Variants in SLC10A7 observed in about 807,000 individuals in gnomAD.
The protein encoded by SLC10A7 is sodium/bile acid cotransporter 7.
SLC10A7 carries 29 observed loss-of-function variants against 43.2 expected under a neutral mutation model. The observed-to-expected ratio is 0.67, with a 90% confidence interval of 0.50 to 0.92. The LOEUF (loss-of-function observed/expected upper bound fraction) is 0.92. Ranked by LOEUF, SLC10A7 falls within the 40% of genes least tolerant of loss-of-function variation. SLC10A7 has a pLI of 0.00. For missense variants in SLC10A7, 295 were observed against 403.2 expected, an observed-to-expected ratio of 0.73 and a Z score of 2.30; for synonymous variants, 152 against 144.8, an observed-to-expected ratio of 1.05 and a Z score of -0.35.
chr4:146,324,076 G>A (rs973802098), intron 6 of SLC10A7, among the ~76,000 whole-genome samples: 17 of 152,090 alleles, frequency 1.1e-4, no homozygotes, highest in African/African-American at 4.1e-4. Flanking sequence ...ATTCACAATT[G>A]CTTCAAAGAG....
At chr4:146,309,220 A>G (rs1405632299) in intron 6 of SLC10A7, among the ~76,000 whole-genome samples, 1 of 152,048 alleles carries the variant, frequency 6.6e-6, no homozygotes, top group Non-Finnish European at 1.5e-5. Context: ...TTTGTGAACC[A>G]TTGTTCTGTG....
chr4:146,373,207 TCATG>T (rs1736914643), intron 5 of SLC10A7, among the ~76,000 whole-genome samples: 1 of 152,140 alleles, frequency 6.6e-6, no homozygotes, highest in Non-Finnish European at 1.5e-5. Context: ...GCACAGAGGC[TCATG>T]CCTATAATCC....
At chr4:146,298,298 T>G (rs1202195708) in intron 7 of SLC10A7, among the ~76,000 whole-genome samples, 1 of 152,220 alleles carries the variant, frequency 6.6e-6, no homozygotes, top group African/African-American at 2.4e-5. Context: ...TATCACTGTT[T>G]ATCAGTACAC....
chr4:146,303,144 C>T (rs1731271122), intron 7 of SLC10A7, among the ~76,000 whole-genome samples: 1 of 152,134 alleles, frequency 6.6e-6, no homozygotes, highest in Admixed American at 6.5e-5. Context: ...TGCCTTAAGG[C>T]AGCACAACTC....
At chr4:146,305,318 C>G (rs1056560034) in intron 7 of SLC10A7, among the ~76,000 whole-genome samples, 32 of 150,958 alleles carry the variant, frequency 2.1e-4, no homozygotes, top group African/African-American at 7.8e-4. Context: ...AGTAAACTAT[C>G]GCAACAACAA....
intron 5 of SLC10A7, among the ~76,000 whole-genome samples, chr4:146,404,346 A>G (rs1210969553): frequency 6.6e-6 from 1 of 151,992 alleles, no homozygotes; most frequent in Non-Finnish European, 1.5e-5. Flanking sequence ...ATGTCTTTCC[A>G]TTCTTGCCAA....
intron 4 of SLC10A7, among the ~76,000 whole-genome samples, chr4:146,503,290 G>A (rs940442938): frequency 3.4e-4 from 52 of 152,090 alleles, no homozygotes; most frequent in African/African-American, 1.2e-3. Flanking sequence ...TTCAACCAAG[G>A]AAGAACCCCC....
chr4:146,414,772 T>C (rs1188522076), intron 5 of SLC10A7, among the ~76,000 whole-genome samples: 1 of 150,024 alleles, frequency 6.7e-6, no homozygotes. Flanking sequence ...TACACAGACA[T>C]CTGTTCATGA....
chr4:146,486,777 G>A (rs1734954562), intron 4 of SLC10A7, among the ~76,000 whole-genome samples: 2 of 152,188 alleles, frequency 1.3e-5, no homozygotes. Context: ...AGATGAACAC[G>A]GAGAATCCCC....
chr4:146,414,440 G>C (rs1253809841), intron 5 of SLC10A7, among the ~76,000 whole-genome samples: 1 of 151,986 alleles, frequency 6.6e-6, no homozygotes, highest in Non-Finnish European at 1.5e-5. Flanking sequence ...AACTCACTTA[G>C]ATGCCAGGCA....
At chr4:146,280,126 G>A (rs968988879) in intron 10 of SLC10A7, among the ~76,000 whole-genome samples, 1 of 151,942 alleles carries the variant, frequency 6.6e-6, no homozygotes, top group African/African-American at 2.4e-5. Flanking sequence ...ATAATGAATG[G>A]TATTTTATAT....
intron 5 of SLC10A7, among the ~76,000 whole-genome samples, chr4:146,431,922 C>T (rs1368394450): frequency 6.6e-6 from 1 of 152,148 alleles, no homozygotes; most frequent in East Asian, 1.9e-4. Flanking sequence ...CCAAAACATA[C>T]TTAAAAACTT....
At position 146,279,446 on chromosome 4, in the gene SLC10A7, T is replaced by C. The variant is rs184929995; in HGVS notation, c.847+3746A>G. 1.1e-3 allele frequency among the ~76,000 whole-genome samples: 164 copies of C among 152,300 alleles called. 1 individual carries two copies. The highest frequency in any genetic ancestry group is 1.6e-3 in the Non-Finnish European group (107 of 68,000). On this transcript the variant is annotated intron_variant, in intron 10 of 11. Transcript: ENST00000335472. ...TATTGACTGACTGTGCACTAAGCCA[T>C]TATTAACTAGGATACAAGCTGTTCT...
chr4:146,365,840 G>A (rs963751977), intron 5 of SLC10A7, among the ~76,000 whole-genome samples: 3 of 152,156 alleles, frequency 2.0e-5, no homozygotes, highest in Admixed American at 6.5e-5. Context: ...CCAAGCCCTG[G>A]GCAGTGGACC....
At chr4:146,451,406 C>A (rs1411002029) in intron 4 of SLC10A7, among the ~76,000 whole-genome samples, 1 of 151,964 alleles carries the variant, frequency 6.6e-6, no homozygotes, top group African/African-American at 2.4e-5. Flanking sequence ...TGATACCAAA[C>A]CAGACAAGGA....
chr4:146,362,692 G>C (rs987332789), intron 5 of SLC10A7, among the ~76,000 whole-genome samples: 16 of 151,944 alleles, frequency 1.1e-4, no homozygotes, highest in African/African-American at 3.4e-4. Context: ...AAGATATAGA[G>C]ACAACAAAAA....
chr4:146,515,387 G>A (rs942138738), intron 2 of SLC10A7, among the ~76,000 whole-genome samples: 5 of 152,058 alleles, frequency 3.3e-5, no homozygotes, highest in African/African-American at 1.2e-4. Context: ...CCACATTTGA[G>A]AACAAATATT....
intron 10 of SLC10A7, among the ~76,000 whole-genome samples, chr4:146,268,247 T>C (rs1014932049): frequency 2.6e-5 from 4 of 152,194 alleles, no homozygotes; most frequent in Non-Finnish European, 5.9e-5. Context: ...AGTAGATGTT[T>C]ATGTAAAACT....
At chr4:146,310,402 T>C (rs1731887213) in intron 6 of SLC10A7, among the ~76,000 whole-genome samples, 2 of 152,188 alleles carry the variant, frequency 1.3e-5, no homozygotes, top group Admixed American at 1.3e-4. Flanking sequence ...AGAACTGCTT[T>C]CCACAGACAC....
Sources: gnomAD v4.1 joint callset for allele counts (sites outside exome capture counted in the v4.1 genomes callset) on GRCh38, gnomAD v4.1.1 for gene constraint, MANE v1.5 for transcripts, NCBI Gene and HGNC (gene_info 2026-07-23, HGNC 2026-07-21) for gene names.